The following IGSF11 variants were observed in gnomAD, a reference collection of about 807,000 sequenced individuals.
IGSF11 encodes CXADR like 1.
In IGSF11, 22 loss-of-function variants were observed where a neutral mutation model predicts 41.0. That is an observed-to-expected ratio of 0.54 (90% CI 0.38 to 0.77). The LOEUF (loss-of-function observed/expected upper bound fraction) is 0.77, where lower values mean the gene tolerates loss of function less well. Among genes scored for constraint, IGSF11 ranks in the 30% least tolerant of loss-of-function variants. IGSF11 has a pLI of 0.00. For missense variants in IGSF11, 444 were observed against 530.8 expected (o/e 0.84, Z 1.61); for synonymous variants, 219 against 201.3 (o/e 1.09, Z -0.74).
intron 1 of IGSF11, among the ~76,000 whole-genome samples, chr3:119,079,080 G>A (rs193066141): frequency 2.4e-3 from 368 of 152,156 alleles, no homozygotes; most frequent in African/African-American, 8.1e-3. Context: ...AAAATAGGCC[G>A]GGCATGGTAG....
rs1382672047 is a variant in IGSF11, at chr3:119,124,241, G to A, written c.-13-19036C>T. ...CATTCTGGAGCTGAAAAATGAAACT[G>A]AAATGTTAAGAAACACATCAGAGCC... On this transcript the variant is annotated intron_variant, in intron 1 of 7. Coordinates refer to the IGSF11 transcript ENST00000425327. Among the ~76,000 whole-genome samples the A allele has an allele frequency of 2.8e-5, 4 of 141,620 alleles. 1 individual carries two copies. The highest frequency in any genetic ancestry group is 2.1e-4 in the East Asian group (1 of 4,780). 92.9% of individuals were successfully genotyped at this position (141,620 alleles called of 152,430 possible).
In IGSF11 at chr3:119,140,314, G is replaced by A. The variant is rs199996183; in HGVS notation, c.-14+5499C>T. On this transcript the variant is annotated intron_variant, in intron 1 of 7. Coordinates refer to the IGSF11 transcript ENST00000425327. ...ATGCCATGCATGAAGTAATCAAAGA[G>A]AGCTGGAGTGGCTATACTATGAGAC... Among the ~76,000 whole-genome samples the A allele has an allele frequency of 2.0e-5, 3 of 152,112 alleles. No homozygotes were observed. In the East Asian group the frequency reaches 5.8e-4, roughly 29 times the overall value.
upstream of IGSF11, among the ~76,000 whole-genome samples, chr3:119,036,633 C>A (rs1940918396): frequency 6.6e-6 from 1 of 151,860 alleles, no homozygotes; most frequent in Admixed American, 6.6e-5. Context: ...ATATTTATCG[C>A]ATCAATTTAA....
At chr3:119,011,232 G>C (rs376244155) in intron 1 of IGSF11, among the ~76,000 whole-genome samples, 1 of 151,984 alleles carries the variant, frequency 6.6e-6, no homozygotes, top group African/African-American at 2.4e-5. Context: ...TGGTGATCGT[G>C]GTGCTGGGCA....
intron 1 of IGSF11, among the ~76,000 whole-genome samples, chr3:119,021,055 T>C (rs1181017833): frequency 1.3e-5 from 2 of 152,124 alleles, no homozygotes; most frequent in African/African-American, 2.4e-5. Context: ...ACACTCTCCC[T>C]AGGGAAAAGA....
At chr3:119,027,338 CT>C (rs1183958475) in intron 1 of IGSF11, among the ~76,000 whole-genome samples, 1 of 152,170 alleles carries the variant, frequency 6.6e-6, no homozygotes, top group Non-Finnish European at 1.5e-5. Context: ...CCAAAATTAT[CT>C]GAAAATGCTG....
At chr3:119,024,710 A>G (rs1356586609) in intron 1 of IGSF11, among the ~76,000 whole-genome samples, 1 of 152,166 alleles carries the variant, frequency 6.6e-6, no homozygotes, top group Non-Finnish European at 1.5e-5. Flanking sequence ...CTTTTAATCA[A>G]TAATAACACT....
Position 118,905,597 on chromosome 3 carries a change from T to A in IGSF11, c.702A>T (p.Ser234=). Residue 234 remains serine, a splice_region_variant and synonymous_variant, in exon 5 of 7, where the codon TCA becomes TCT. Coordinates refer to ENST00000393775, the MANE Select transcript of IGSF11 (RefSeq NM_001015887.3). The part of the protein sequence containing the change: ...STCLLDLQVI[S]PQPRNIGLIA... ...ACATCAGAATTTCCATATGCTTACG[T>A]GAAATAACCTGGAGATCCAGAAGAC... 8 of 1,613,686 alleles carry A rather than the reference T, an allele frequency of 5.0e-6. No individual in the cohort carries two copies. Among genetic ancestry groups the A allele is most frequent in the Non-Finnish European group, 6.8e-6 (8 of 1,179,710 alleles).
intron 1 of IGSF11, among the ~76,000 whole-genome samples, chr3:119,121,489 T>C (rs935628292): frequency 2.6e-5 from 4 of 151,998 alleles, no homozygotes; most frequent in Admixed American, 6.5e-5. Flanking sequence ...AATTTAAAGA[T>C]AGGTAGGTCA....
intron 1 of IGSF11, among the ~76,000 whole-genome samples, chr3:118,999,941 G>A (rs1021185272): frequency 4.6e-5 from 7 of 151,682 alleles, no homozygotes; most frequent in African/African-American, 1.7e-4. Flanking sequence ...TGTAAAACAA[G>A]ATGAACAAAA....
intron 1 of IGSF11, among the ~76,000 whole-genome samples, chr3:119,059,861 A>T (rs926926226): frequency 4.6e-5 from 7 of 152,198 alleles, no homozygotes; most frequent in Non-Finnish European, 7.3e-5. Flanking sequence ...TGGAATTGTA[A>T]GTCTTGAGCA....
At chr3:118,992,634 T>C (rs1028586681) in intron 1 of IGSF11, among the ~76,000 whole-genome samples, 2 of 152,226 alleles carry the variant, frequency 1.3e-5, no homozygotes, top group Non-Finnish European at 2.9e-5. Flanking sequence ...CCTGCGACTA[T>C]AGAAGTTTGC....
At chr3:119,141,505 A>G (rs1261986641) in intron 1 of IGSF11, among the ~76,000 whole-genome samples, 2 of 151,498 alleles carry the variant, frequency 1.3e-5, no homozygotes, top group East Asian at 3.9e-4. Context: ...CAAAATATCA[A>G]CAAAATTGAA....
chr3:119,037,264 T>C (rs1940951983), upstream of IGSF11, among the ~76,000 whole-genome samples: 2 of 152,234 alleles, frequency 1.3e-5, no homozygotes, highest in Non-Finnish European at 1.5e-5. Flanking sequence ...TGTAACACTT[T>C]ACAAATTTCA....
At chr3:119,143,665 A>G (rs2107552043) in intron 1 of IGSF11, among the ~76,000 whole-genome samples, 1 of 152,292 alleles carries the variant, frequency 6.6e-6, no homozygotes, top group South Asian at 2.1e-4. Context: ...TAAAAAGACA[A>G]AGATTGGCAA....
At chr3:119,078,175 C>T (rs1177097758) in intron 1 of IGSF11, among the ~76,000 whole-genome samples, 1 of 152,090 alleles carries the variant, frequency 6.6e-6, no homozygotes, top group Non-Finnish European at 1.5e-5. Flanking sequence ...TTCTAAAATT[C>T]ATATGGAACC....
At chr3:119,043,905 G>A (rs948397316) in intron 1 of IGSF11, among the ~76,000 whole-genome samples, 1 of 152,146 alleles carries the variant, frequency 6.6e-6, no homozygotes, top group African/African-American at 2.4e-5. Flanking sequence ...AAAACAATCT[G>A]AACAGCAGCC....
Position 118,902,319 on chromosome 3 carries a change from G to T in IGSF11, c.*201C>A. 1 of 520,530 alleles carries T rather than the reference G, an allele frequency of 1.9e-6. No homozygotes were observed. Among genetic ancestry groups the T allele is most frequent in the South Asian group, 3.0e-5 (1 of 33,224 alleles). The allele number at this position is 520,530 out of a possible 1,614,324, so 32.2% of individuals were successfully genotyped here. A position where few individuals can be genotyped will look rare whatever the true frequency, so the allele number is the denominator to read the frequency against. ...GCAGAATCCCAGGACATCTTTGGTG[G>T]GGAAGCAAGTCTTCATGATGGAGCA... On this transcript the variant is annotated 3_prime_UTR_variant, in exon 7 of 7. Transcript: ENST00000393775.
At chr3:119,016,203 G>A (rs867372135) in intron 1 of IGSF11, among the ~76,000 whole-genome samples, 2 of 152,220 alleles carry the variant, frequency 1.3e-5, no homozygotes, top group East Asian at 3.9e-4. Flanking sequence ...GAAAAGAAGG[G>A]AGAGAGGTGT....
Sources: gnomAD v4.1 joint callset for allele counts (sites outside exome capture counted in the v4.1 genomes callset) on GRCh38, gnomAD v4.1.1 for gene constraint, MANE v1.5 for transcripts, NCBI Gene and HGNC (gene_info 2026-07-23, HGNC 2026-07-21) for gene names.